Variants in JAKMIP3 observed in about 807,000 individuals in gnomAD.
The protein encoded by JAKMIP3 is Janus kinase and microtubule interacting protein 3.
In JAKMIP3, 58 loss-of-function variants were observed where a neutral mutation model predicts 118.5. The observed-to-expected ratio is 0.49, with a 90% CI of 0.40 to 0.61. The LOEUF (loss-of-function observed/expected upper bound fraction) is 0.61, where lower values mean the gene tolerates loss of function less well. Ranked by LOEUF, JAKMIP3 falls within the 20% of genes least tolerant of loss-of-function variation. JAKMIP3 has a pLI of 0.00. For synonymous variants in JAKMIP3, 486 were observed against 451.2 expected, an observed-to-expected ratio of 1.08 and a Z score of -0.98; for missense variants, 950 against 1,109.0, an observed-to-expected ratio of 0.86 and a Z score of 2.04.
intron 1 of JAKMIP3, among the ~76,000 whole-genome samples, chr10:132,098,081 G>A (rs2044275875): frequency 6.7e-6 from 1 of 149,174 alleles, no homozygotes; most frequent in Non-Finnish European, 1.5e-5. Flanking sequence ...TGTTGTCCAG[G>A]TGGGAGTGCA....
At chr10:132,171,164 C>T (rs955492322) in intron 23 of JAKMIP3, among the ~76,000 whole-genome samples, 1 of 152,244 alleles carries the variant, frequency 6.6e-6, no homozygotes, top group Non-Finnish European at 1.5e-5. Context: ...GGGCCGAGGC[C>T]GCCAGCTCAC....
At chr10:132,047,249 T>G (rs577735816) in intron 1 of JAKMIP3, among the ~76,000 whole-genome samples, 1 of 152,262 alleles carries the variant, frequency 6.6e-6, no homozygotes, top group South Asian at 2.1e-4. Flanking sequence ...AAATTCTCAT[T>G]GGTTTGCAGA....
At chr10:132,119,250 T>A (rs2048182153) in intron 3 of JAKMIP3, among the ~76,000 whole-genome samples, 1 of 152,154 alleles carries the variant, frequency 6.6e-6, no homozygotes, top group South Asian at 2.1e-4. Context: ...AGTGCAGGTG[T>A]GTTCCCCGTT....
At position 132,184,638 on chromosome 10, in the gene JAKMIP3, T is replaced by G. The variant is rs2061708846; in HGVS notation, c.*3385T>G. On this transcript the variant is annotated 3_prime_UTR_variant, in exon 24 of 24. Coordinates refer to ENST00000684848, the MANE Select transcript of JAKMIP3 (RefSeq NM_001323087.2). ...CCTTCATAGTCACCCTCTAACCACG[T>G]GACATTCCGTTCCATGCTAAGCAGT... is the stretch of plus-strand genomic sequence containing the variant. 6.6e-6 allele frequency: 1 copy of G among 152,214 alleles called. No homozygotes were observed. The highest frequency in any genetic ancestry group is 2.1e-4 in the South Asian group (1 of 4,828). The allele number at this position is 152,214 out of a possible 1,614,324, so 9.4% of individuals were successfully genotyped here. A position where few individuals can be genotyped will look rare whatever the true frequency, so the allele number is the denominator to read the frequency against.
rs1445969156 is a variant in JAKMIP3 at position 132,182,870 on chromosome 10, G to A, written c.*1617G>A. The A allele has an allele frequency of 6.6e-6, 1 of 152,184 alleles. No homozygotes were observed. 9.4% of individuals were successfully genotyped at this position (152,184 alleles called of 1,614,324 possible). A position where few individuals can be genotyped will look rare whatever the true frequency, so the allele number is the denominator to read the frequency against. ...AGGGAAAAGCTAATAGTATCAGACA[G>A]ATATGCTTTTTCTTTGGTGGCTGCA... On this transcript the variant is annotated 3_prime_UTR_variant, in exon 24 of 24. Transcript: ENST00000684848.
upstream of JAKMIP3, among the ~76,000 whole-genome samples, chr10:132,065,724 CTTCCCCACCGAGAAGCGTCTG>C (rs1186701847): frequency 5.2e-4 from 78 of 151,354 alleles, no homozygotes; most frequent in African/African-American, 1.8e-3. The surrounding 1 kb of genome is among the most constrained non-coding windows in gnomAD (Gnocchi z 5.6). Context: ...CTGCGGGCCC[CTTCCCCACCGAGAAGCGTCTG>C]TTCGCGCCCT....
At chr10:132,138,095 A>G in intron 8 of JAKMIP3, 24 bp from the exon 9 acceptor site, 1 of 1,608,264 alleles carries the variant, frequency 6.2e-7, no homozygotes, top group South Asian at 1.1e-5. Context: ...CCACTTACAC[A>G]ACCTCTTCAA....
intron 3 of JAKMIP3, among the ~76,000 whole-genome samples, chr10:132,122,449 CAGTT>C (rs566129122): frequency 4.8e-4 from 73 of 152,406 alleles, no homozygotes; most frequent in African/African-American, 9.4e-4. Flanking sequence ...CTGGGCACCT[CAGTT>C]AGCCCTGGAT....
At chr10:132,055,769 C>T (rs1014068602) in intron 1 of JAKMIP3, among the ~76,000 whole-genome samples, 2 of 152,230 alleles carry the variant, frequency 1.3e-5, no homozygotes, top group African/African-American at 2.4e-5. Context: ...CCCTCTCACC[C>T]TTGCCTCCCC....
intron 23 of JAKMIP3, among the ~76,000 whole-genome samples, chr10:132,175,255 G>C (rs887671454): frequency 1.3e-5 from 2 of 152,178 alleles, no homozygotes; most frequent in Non-Finnish European, 2.9e-5. Flanking sequence ...TAAAACACCT[G>C]TGATTCACTT....
rs2039597972 is a variant in JAKMIP3 at position 132,070,133 on chromosome 10, CAT to C, written c.-138+4073_-138+4074del. On this transcript the variant is annotated intron_variant, in intron 1 of 23. Transcript: ENST00000684848. ...CCTCTGTCTAAACAGCACTGTCTTC[CAT>C]TTTTTTTTTTAGTTGCATTTTTATT... is the stretch of plus-strand genomic sequence containing the variant. 5.4e-5 allele frequency among the ~76,000 whole-genome samples: 8 copies of C among 149,510 alleles called. 2 individuals carry two copies. The highest frequency in any genetic ancestry group is 4.0e-4 in the Admixed American group (6 of 14,924).
chr10:132,180,523 C>CTCTGTGTG (rs2060659822), intron 23 of JAKMIP3, among the ~76,000 whole-genome samples: 1 of 74,454 alleles, frequency 1.3e-5, no homozygotes. Flanking sequence ...GGAAGCAGAA[C>CTCTGTGTG]TGTGTGTGTG....
intron 2 of JAKMIP3, among the ~76,000 whole-genome samples, chr10:132,116,210 C>A (rs374550644): frequency 6.6e-6 from 1 of 152,244 alleles, no homozygotes; most frequent in African/African-American, 2.4e-5. Context: ...ACTGATAAAA[C>A]CTTTCAGCGC....
intron 8 of JAKMIP3, among the ~76,000 whole-genome samples, chr10:132,137,499 C>T (rs1346654110): frequency 6.6e-6 from 1 of 152,210 alleles, no homozygotes; most frequent in Non-Finnish European, 1.5e-5. Context: ...GCCAGGGACA[C>T]CCACTGATGC....
chr10:132,167,192 G>GT (rs2058994480), intron 22 of JAKMIP3, 137 bp downstream of exon 22: 1 of 674,320 alleles, frequency 1.5e-6, no homozygotes, highest in African/African-American at 1.8e-5. Flanking sequence ...CCCCAAAAGG[G>GT]TTGTTAGAAA....
intron 3 of JAKMIP3, among the ~76,000 whole-genome samples, chr10:132,120,159 A>G (rs1169298624): frequency 6.6e-6 from 1 of 152,226 alleles, no homozygotes. Context: ...AAAGTCTTAC[A>G]TGATCTTTTC....
intron 1 of JAKMIP3, among the ~76,000 whole-genome samples, chr10:132,100,726 C>T (rs552822783): frequency 5.9e-5 from 9 of 152,294 alleles, no homozygotes; most frequent in South Asian, 2.1e-4. Context: ...GCCTCCCAGC[C>T]GCCCCAACAT....
rs1565020284 is a variant in JAKMIP3 at position 132,180,670 on chromosome 10, T to TGTGTGCGCGCGCGTGTGTGTGCGTGC, written c.*1104-1681_*1104-1656dup. Among the ~76,000 whole-genome samples the TGTGTGCGCGCGCGTGTGTGTGCGTGC allele has an allele frequency of 1.0e-4, 3 of 29,912 alleles. 1 individual carries two copies. Among genetic ancestry groups the TGTGTGCGCGCGCGTGTGTGTGCGTGC allele is most frequent in the Non-Finnish European group, 2.0e-4 (3 of 14,992 alleles). 19.6% of individuals were successfully genotyped at this position (29,912 alleles called of 152,430 possible). On this transcript the variant is annotated intron_variant, in intron 23 of 23. Coordinates refer to ENST00000684848, the MANE Select transcript of JAKMIP3 (RefSeq NM_001323087.2). ...GCGTGTGCGTGTGCGTGTGTGCGTGTGTGTGCGCGCGCGTGTGTGTGCGTG... is the reference window on the plus strand; with the variant it reads ...GCGTGTGCGTGTGCGTGTGTGCGTGTGTGTGCGCGCGCGTGTGTGTGCGTGCGTGTGCGCGCGCGTGTGTGTGCGTG...
Position 132,117,604 on chromosome 10 carries a change from C to G in JAKMIP3, c.633+30C>G. The G allele has an allele frequency of 1.4e-6, 1 of 722,642 alleles. No homozygotes were observed. Among genetic ancestry groups the G allele is most frequent in the Non-Finnish European group, 1.7e-6 (1 of 572,244 alleles). 44.8% of individuals were successfully genotyped at this position (722,642 alleles called of 1,614,324 possible). ...GTGGGCAGGCAGGGGCGGGCGTGGG[C>G]GAGGGTGCAGGGGCGGGCGTGGGCG... is the stretch of plus-strand genomic sequence containing the variant. On this transcript the variant is annotated intron_variant, in intron 3 of 23. Coordinates refer to ENST00000684848, the MANE Select transcript of JAKMIP3 (RefSeq NM_001323087.2). This position sits in a 1 kb window ranked among gnomAD's most constrained non-coding sequence, Gnocchi z 8.6.
Sources: gnomAD v4.1 joint callset for allele counts (sites outside exome capture counted in the v4.1 genomes callset) on GRCh38, gnomAD v4.1.1 for gene constraint, Gnocchi (gnomAD v3.1) non-coding constraint, MANE v1.5 for transcripts, NCBI Gene and HGNC (gene_info 2026-07-23, HGNC 2026-07-21) for gene names.